ALK: variants seen among roughly 807,000 people sequenced by gnomAD.
ALK encodes the protein ALK tyrosine kinase receptor.
ALK carries 74 observed loss-of-function variants against 163.1 expected under a neutral mutation model. That is an observed-to-expected ratio of 0.45 (90% CI 0.38 to 0.55). ALK has a LOEUF of 0.55. ALK is among the 20% of genes least tolerant of loss of function. The pLI, the probability that ALK is intolerant of heterozygous loss-of-function variation, is 0.00. For synonymous variants in ALK, 960 were observed against 843.2 expected (o/e 1.14, Z -2.40); for missense variants, 2,063 against 2,105.3 (o/e 0.98, Z 0.39).
At chr2:29,496,049 G>C (rs151253745) in intron 4 of ALK, among the ~76,000 whole-genome samples, 1 of 152,050 alleles carries the variant, frequency 6.6e-6, no homozygotes, top group Non-Finnish European at 1.5e-5. Flanking sequence ...CTCCCTTTGC[G>C]GCCGCCTTTT....
chr2:29,591,754 T>C (rs1675066343), intron 3 of ALK, among the ~76,000 whole-genome samples: 1 of 151,214 alleles, frequency 6.6e-6, no homozygotes, highest in South Asian at 2.1e-4. Flanking sequence ...TTTACAAAAA[T>C]AATCAACGTA....
At chr2:29,596,006 AG>A (rs1281664856) in intron 3 of ALK, among the ~76,000 whole-genome samples, 3 of 152,204 alleles carry the variant, frequency 2.0e-5, no homozygotes, top group African/African-American at 7.2e-5. Context: ...AAGAAGTGAG[AG>A]TAAACGAGTG....
chr2:29,860,450 A>G (rs1666251660), intron 1 of ALK, among the ~76,000 whole-genome samples: 2 of 152,138 alleles, frequency 1.3e-5, no homozygotes, highest in African/African-American at 4.8e-5. Flanking sequence ...ACCAATAGCA[A>G]TTATCAAGAT....
intron 9 of ALK, among the ~76,000 whole-genome samples, chr2:29,291,407 T>G (rs1666019529): frequency 6.6e-6 from 1 of 152,154 alleles, no homozygotes; most frequent in Non-Finnish European, 1.5e-5. Context: ...CAATGGCTAC[T>G]GTTTTTCAAG....
At chr2:29,886,907 A>G (rs1667000391) in intron 1 of ALK, among the ~76,000 whole-genome samples, 1 of 152,230 alleles carries the variant, frequency 6.6e-6, no homozygotes, top group African/African-American at 2.4e-5. Flanking sequence ...TACACAGTAA[A>G]GAAGGGAAGA....
chr2:29,293,988 T>C (rs1573200938), intron 9 of ALK, among the ~76,000 whole-genome samples: 1 of 152,196 alleles, frequency 6.6e-6, no homozygotes, highest in Non-Finnish European at 1.5e-5. Flanking sequence ...ATAAAATTTC[T>C]GCCGCTTTCA....
chr2:29,691,898 A>C (rs1379273693), intron 3 of ALK, among the ~76,000 whole-genome samples: 1 of 152,098 alleles, frequency 6.6e-6, no homozygotes, highest in Non-Finnish European at 1.5e-5. Flanking sequence ...CACAATTTCC[A>C]CTTGTCCCTG....
intron 3 of ALK, among the ~76,000 whole-genome samples, chr2:29,661,497 G>GT (rs1035371252): frequency 2.6e-5 from 4 of 152,172 alleles, no homozygotes; most frequent in African/African-American, 9.7e-5. Flanking sequence ...GAGAGGACAC[G>GT]TAAGTGTGCA....
At chr2:29,704,517 A>G (rs1678839168) in intron 2 of ALK, among the ~76,000 whole-genome samples, 1 of 152,228 alleles carries the variant, frequency 6.6e-6, no homozygotes, top group African/African-American at 2.4e-5. Flanking sequence ...ATAACAAAAA[A>G]CAATATCTTA....
chr2:29,514,332 G>A lies in ALK; in HGVS notation c.1154+17583C>T, dbSNP rs534136414. ...ATACTATGCAGCCATAAAAAATGAT[G>A]AGTTCATGTCCTTTGTAGGGACATG... On this transcript the variant is annotated intron_variant, in intron 4 of 28. Transcript: ENST00000389048. Among the ~76,000 whole-genome samples, 332 of 149,914 alleles carry A rather than the reference G, an allele frequency of 2.2e-3. 2 individuals are homozygous for A. Among genetic ancestry groups the A allele is most frequent in the African/African-American group, 7.6e-3 (310 of 40,568 alleles).
intron 4 of ALK, among the ~76,000 whole-genome samples, chr2:29,429,940 C>G (rs1573346769): frequency 6.6e-6 from 1 of 152,060 alleles, no homozygotes; most frequent in East Asian, 1.9e-4. Flanking sequence ...TGAGAGGGTA[C>G]CAAGACAATT....
At chr2:29,860,247 A>G (rs1260248954) in intron 1 of ALK, among the ~76,000 whole-genome samples, 4 of 152,168 alleles carry the variant, frequency 2.6e-5, no homozygotes, top group African/African-American at 9.7e-5. Flanking sequence ...TTGTTTAAGA[A>G]AGGGCAATTT....
At chr2:29,351,456 C>T (rs905367764) in intron 5 of ALK, among the ~76,000 whole-genome samples, 1 of 152,176 alleles carries the variant, frequency 6.6e-6, no homozygotes, top group Non-Finnish European at 1.5e-5. Flanking sequence ...CCTTCATTGT[C>T]CAGGGACCAG....
chr2:29,248,119 A>T (rs1489707058), intron 12 of ALK, among the ~76,000 whole-genome samples: 1 of 152,024 alleles, frequency 6.6e-6, no homozygotes, highest in Non-Finnish European at 1.5e-5. Context: ...AAGGCCAAGG[A>T]GGAGGTGAGG....
chr2:29,650,812 C>T (rs1480439801), intron 3 of ALK, among the ~76,000 whole-genome samples: 1 of 152,076 alleles, frequency 6.6e-6, no homozygotes, highest in Non-Finnish European at 1.5e-5. Context: ...TGCCCCCTCC[C>T]CTCTGACTTC....
At chr2:29,760,697 G>C (rs1324228270) in intron 1 of ALK, among the ~76,000 whole-genome samples, 1 of 152,178 alleles carries the variant, frequency 6.6e-6, no homozygotes, top group East Asian at 1.9e-4. Context: ...TTTGCAAAGG[G>C]CTTACAGACA....
chr2:29,585,607 C>A (rs550183459), intron 3 of ALK, among the ~76,000 whole-genome samples: 1 of 152,116 alleles, frequency 6.6e-6, no homozygotes, highest in African/African-American at 2.4e-5. Context: ...AGATCACCCG[C>A]GTGAGCCACT....
chr2:29,391,602 G>A (rs1669174657), intron 4 of ALK, among the ~76,000 whole-genome samples: 3 of 151,984 alleles, frequency 2.0e-5, no homozygotes, highest in South Asian at 4.2e-4. Flanking sequence ...CCACCGCACC[G>A]GCCTCCTAGC....
intron 1 of ALK, among the ~76,000 whole-genome samples, chr2:29,910,345 G>A (rs1333590408): frequency 6.6e-6 from 1 of 151,814 alleles, no homozygotes; most frequent in Non-Finnish European, 1.5e-5. Context: ...AAAAGGGGCT[G>A]AGAAAAAAAA....
Sources: gnomAD v4.1 joint callset for allele counts (sites outside exome capture counted in the v4.1 genomes callset) on GRCh38, gnomAD v4.1.1 for gene constraint, MANE v1.5 for transcripts, NCBI Gene and HGNC (gene_info 2026-07-23, HGNC 2026-07-21) for gene names.